The following NBEA variants were observed in gnomAD, a reference collection of about 807,000 sequenced individuals.
NBEA encodes the protein lysosomal-trafficking regulator 2.
Under a neutral mutation model 343.4 loss-of-function variants are expected in NBEA, and 44 were observed. The ratio of observed to expected loss-of-function variants is 0.13; its 90% confidence interval spans 0.10 to 0.16. The LOEUF is 0.16. Among genes scored for constraint, NBEA ranks in the 10% least tolerant of loss-of-function variants. NBEA has a pLI of 1.00. For synonymous variants in NBEA, 1,175 were observed against 1,238.7 expected (o/e 0.95, Z 1.08); for missense variants, 2,555 against 3,631.3 (o/e 0.70, Z 7.62).
At chr13:35,127,669 T>A (rs1427311257) in intron 17 of NBEA, among the ~76,000 whole-genome samples, 1 of 152,110 alleles carries the variant, frequency 6.6e-6, no homozygotes, top group Non-Finnish European at 1.5e-5. Context: ...AGAGTAAATA[T>A]GCTGACATTT....
chr13:35,335,038 G>A (rs1455061691), intron 36 of NBEA, among the ~76,000 whole-genome samples: 1 of 152,030 alleles, frequency 6.6e-6, no homozygotes, highest in Non-Finnish European at 1.5e-5. Context: ...TATATATGAT[G>A]AGGGATAGGG....
chr13:35,328,725 C>T (rs573740191), intron 36 of NBEA, among the ~76,000 whole-genome samples: 1 of 150,952 alleles, frequency 6.6e-6, no homozygotes, highest in African/African-American at 2.4e-5. Context: ...GGTGTTAGTT[C>T]TTTCTAAAGT....
At position 35,456,035 on chromosome 13, in the gene NBEA, T is replaced by C. The variant is rs111613946; in HGVS notation, c.6448+3800T>C. 2.4e-3 allele frequency among the ~76,000 whole-genome samples: 362 copies of C among 152,164 alleles called. 1 individual carries two copies. The highest frequency in any genetic ancestry group is 4.7e-3 in the Non-Finnish European group (318 of 67,892). On this transcript the variant is annotated intron_variant, in intron 40 of 58. Transcript: ENST00000379939. Reference sequence around the variant, plus strand: ...TACATTAGAAGTATATGAATATGTATAATAATTAATTTTAGTTTTGCTTAT... The same window carrying C: ...TACATTAGAAGTATATGAATATGTACAATAATTAATTTTAGTTTTGCTTAT...
At chr13:35,191,113 A>G (rs2072157585) in intron 30 of NBEA, among the ~76,000 whole-genome samples, 1 of 152,146 alleles carries the variant, frequency 6.6e-6, no homozygotes, top group South Asian at 2.1e-4. Flanking sequence ...ACAAAGAAAG[A>G]ATGAAGAAAA....
At chr13:35,115,932 A>G (rs771338792) in intron 13 of NBEA, among the ~76,000 whole-genome samples, 1 of 152,160 alleles carries the variant, frequency 6.6e-6, no homozygotes, top group Non-Finnish European at 1.5e-5. Flanking sequence ...AAACTGGTCC[A>G]ATTTTATTAA....
intron 49 of NBEA, among the ~76,000 whole-genome samples, chr13:35,639,795 T>C (rs1455687671): frequency 1.3e-5 from 2 of 152,124 alleles, no homozygotes; most frequent in Non-Finnish European, 2.9e-5. Context: ...CTTTATAAAA[T>C]GCTGATTTTT....
At chr13:35,476,296 CCTGCTGCTGCTGCTG>C (rs56240021) in intron 41 of NBEA, 27,934 of 959,454 alleles carry the variant, frequency 0.029, 672 homozygotes, top group South Asian at 0.044. Flanking sequence ...CGTTGGTTTC[CCTGCTGCTGCTGCTG>C]CTGCTGCTGC....
At chr13:35,281,425 A>G (rs74048974) in intron 34 of NBEA, among the ~76,000 whole-genome samples, 192 of 152,248 alleles carry the variant, frequency 1.3e-3, no homozygotes, top group African/African-American at 4.5e-3. Context: ...TTTTCAGGGT[A>G]TTTCAACAAT....
rs777498339 is a variant in NBEA, at chr13:35,157,152, A to T, written c.2726A>T (p.Glu909Val). 6.2e-7 allele frequency: 1 copy of T among 1,609,124 alleles called. No individual in the cohort carries two copies. The change falls in exon 21 of 59, where the codon GAA becomes GTA. Residue 909 changes from glutamate (E) to valine (V), a missense_variant. Glu to Val is a moderately radical substitution (Grantham distance 121). Coordinates refer to ENST00000379939, the MANE Select transcript of NBEA (RefSeq NM_001385012.1). ...TATATCAATCCTAAAAATTCTGAGG[A>T]ACAGAAGATTACCGAAATGGTCTAC... is the stretch of plus-strand genomic sequence containing the variant. ...LGYINPKNSE[E>V]QKITEMVYNI...
intron 48 of NBEA, among the ~76,000 whole-genome samples, chr13:35,623,302 T>C (rs1210571211): frequency 6.6e-6 from 1 of 152,172 alleles, no homozygotes; most frequent in Non-Finnish European, 1.5e-5. Flanking sequence ...CGGTCAATAC[T>C]GTTTATAGTA....
intron 1 of NBEA, among the ~76,000 whole-genome samples, chr13:34,994,566 A>G (rs1056468167): frequency 4.6e-5 from 7 of 152,164 alleles, no homozygotes; most frequent in Admixed American, 3.3e-4. Flanking sequence ...GTTATTTTTC[A>G]GATACAATTT....
chr13:35,394,985 A>C (rs1387508648), intron 38 of NBEA, among the ~76,000 whole-genome samples: 1 of 152,086 alleles, frequency 6.6e-6, no homozygotes, highest in African/African-American at 2.4e-5. Context: ...TGCTTCCTAC[A>C]TTTAAATTTC....
At chr13:35,491,471 G>C (rs2076496833) in intron 41 of NBEA, among the ~76,000 whole-genome samples, 1 of 151,830 alleles carries the variant, frequency 6.6e-6, no homozygotes, top group South Asian at 2.1e-4. Flanking sequence ...TTCTCCATCA[G>C]TCATCTGTAC....
chr13:35,635,473 G>A (rs2083654693), intron 49 of NBEA, among the ~76,000 whole-genome samples: 2 of 152,150 alleles, frequency 1.3e-5, no homozygotes, highest in South Asian at 2.1e-4. Context: ...ATTACTGCAT[G>A]TTTTACTGGG....
chr13:35,232,513 A>G lies in NBEA; in HGVS notation c.5670A>G (p.Arg1890=), dbSNP rs748580599. The G allele has an allele frequency of 5.4e-5, 83 of 1,547,050 alleles. No homozygotes were observed. The highest frequency in any genetic ancestry group is 6.9e-5 in the Non-Finnish European group (79 of 1,144,180). Residue 1890 remains arginine, a synonymous_variant, in exon 34 of 59, where the codon AGA becomes AGG. Transcript: ENST00000379939. Reference sequence around the variant, plus strand: ...ACAGCATCACTGCAAAACTTGAAAGAGCGTTAGAAAAAGTTGCTCCTCTTC... The same window carrying G: ...ACAGCATCACTGCAAAACTTGAAAGGGCGTTAGAAAAAGTTGCTCCTCTTC... ...ENMSITAKLE[R]ALEKVAPLLR... is the part of the protein sequence containing the mutation.
intron 16 of NBEA, among the ~76,000 whole-genome samples, chr13:35,123,067 G>A (rs573990036): frequency 3.4e-4 from 51 of 152,218 alleles, no homozygotes; most frequent in Admixed American, 5.9e-4. Context: ...CGAGGTGGTC[G>A]AATCGTTTAA....
intron 34 of NBEA, among the ~76,000 whole-genome samples, chr13:35,252,032 T>C (rs1166985330): frequency 6.6e-6 from 1 of 152,200 alleles, no homozygotes. Flanking sequence ...CTCACATCCA[T>C]CTACTTTTTT....
At chr13:35,486,058 T>C (rs1489259433) in intron 41 of NBEA, among the ~76,000 whole-genome samples, 1 of 147,782 alleles carries the variant, frequency 6.8e-6, no homozygotes, top group African/African-American at 2.4e-5. Flanking sequence ...AGGGAAAATA[T>C]GTTCTTCTCT....
At position 35,039,289 on chromosome 13, in the gene NBEA, CTT is replaced by C. The variant is rs199569575; in HGVS notation, c.295-1642_295-1641del. Among the ~76,000 whole-genome samples, 967 of 152,152 alleles carry C rather than the reference CTT, an allele frequency of 6.4e-3. 11 individuals are homozygous for C. Among genetic ancestry groups the C allele is most frequent in the African/African-American group, 0.022 (927 of 41,508 alleles). On this transcript the variant is annotated intron_variant, in intron 1 of 58. Transcript: ENST00000379939. The stretch of plus-strand genomic sequence containing the variant: ...ACTGTTTTCTATCTTTTCAGTGTCT[CTT>C]TCAGTGATACGAGGTTAAAACCAGG...
Sources: gnomAD v4.1 joint callset for allele counts (sites outside exome capture counted in the v4.1 genomes callset) on GRCh38, gnomAD v4.1.1 for gene constraint, MANE v1.5 for transcripts, NCBI Gene and HGNC (gene_info 2026-07-23, HGNC 2026-07-21) for gene names.